PARD3: variants seen among roughly 807,000 people sequenced by gnomAD.
The protein encoded by PARD3 is partitioning defective 3 homolog.
PARD3 carries 75 observed loss-of-function variants against 155.4 expected under a neutral mutation model. The observed-to-expected ratio is 0.48, with a 90% CI of 0.40 to 0.58. PARD3 has a LOEUF of 0.58. PARD3 is among the 20% of genes least tolerant of loss of function. The pLI is 0.00. For synonymous variants in PARD3, 576 were observed against 610.5 expected (o/e 0.94, Z 0.83); for missense variants, 1,642 against 1,721.7 (o/e 0.95, Z 0.82).
At chr10:34,666,796 A>AAAAAAATATAT (rs1358640964) in intron 2 of PARD3, among the ~76,000 whole-genome samples, 40 of 66,934 alleles carry the variant, frequency 6.0e-4, no homozygotes, top group Non-Finnish European at 8.3e-4. Context: ...AAAAAAAAAA[A>AAAAAAATATAT]ATATATATAT....
intron 1 of PARD3, among the ~76,000 whole-genome samples, chr10:34,803,770 T>C (rs923657643): frequency 6.6e-6 from 1 of 151,926 alleles, no homozygotes; most frequent in African/African-American, 2.4e-5. Flanking sequence ...GCCATTGCAC[T>C]CCAGCCTGGG....
At chr10:34,601,762 T>C (rs748522825) in intron 2 of PARD3, among the ~76,000 whole-genome samples, 4 of 152,192 alleles carry the variant, frequency 2.6e-5, no homozygotes, top group African/African-American at 4.8e-5. Context: ...GCAAAGTTTA[T>C]TGCAATGATA....
rs371705228 is a variant in PARD3 at position 34,765,253 on chromosome 10, TC to T, written c.120+49622del. Among the ~76,000 whole-genome samples, 116 of 152,252 alleles carry T rather than the reference TC, an allele frequency of 7.6e-4. 1 individual carries two copies. In the East Asian group the frequency reaches 0.012, roughly 15 times the overall value. ...AGCAAGATGTCCAAAAACCCATACT[TC>T]CGATTTATAGCATTCCATCCATACT... On this transcript the variant is annotated intron_variant, in intron 1 of 24. Coordinates refer to ENST00000374788, the MANE Select transcript of PARD3 (RefSeq NM_001184785.2).
chr10:34,767,883 C>T (rs1379107938), intron 1 of PARD3, among the ~76,000 whole-genome samples: 7 of 151,762 alleles, frequency 4.6e-5, no homozygotes, highest in Admixed American at 4.6e-4. Flanking sequence ...AAGATTGTGA[C>T]ACTGCACCCC....
chr10:34,739,086 C>A (rs2094962926), intron 1 of PARD3, among the ~76,000 whole-genome samples: 1 of 152,130 alleles, frequency 6.6e-6, no homozygotes, highest in South Asian at 2.1e-4. Flanking sequence ...TTACCAACCA[C>A]TGAAATGTAG....
chr10:34,226,242 G>A (rs992776379), intron 22 of PARD3, among the ~76,000 whole-genome samples: 10 of 152,302 alleles, frequency 6.6e-5, no homozygotes, highest in African/African-American at 1.4e-4. Context: ...TCACTAGGAT[G>A]GCTATAATAA....
chr10:34,721,600 T>G (rs892852585), intron 1 of PARD3, among the ~76,000 whole-genome samples: 2 of 152,170 alleles, frequency 1.3e-5, no homozygotes, highest in Non-Finnish European at 2.9e-5. Context: ...ACTTGCAGGG[T>G]TCCCAAGGGA....
At chr10:34,641,823 A>G (rs2496721) in intron 2 of PARD3, among the ~76,000 whole-genome samples, 54,195 of 151,988 alleles carry the variant, frequency 0.36, 9,946 homozygotes, top group East Asian at 0.44. Context: ...AGACCATGGA[A>G]CCCTGTCCTG....
intron 1 of PARD3, among the ~76,000 whole-genome samples, chr10:34,735,334 T>C (rs541937453): frequency 6.6e-6 from 1 of 152,250 alleles, no homozygotes; most frequent in East Asian, 1.9e-4. Flanking sequence ...TTTGAGAAAA[T>C]ATTCTTTTCA....
chr10:34,397,125 A>G (rs1468151730), intron 7 of PARD3, among the ~76,000 whole-genome samples: 1 of 152,208 alleles, frequency 6.6e-6, no homozygotes, highest in Non-Finnish European at 1.5e-5. Flanking sequence ...AAATGCTTGG[A>G]AAGGTTTCTT....
intron 1 of PARD3, among the ~76,000 whole-genome samples, chr10:34,789,576 T>C (rs1841401652): frequency 6.6e-6 from 1 of 150,826 alleles, no homozygotes; most frequent in South Asian, 2.1e-4. Context: ...TGATGACATG[T>C]GTCTGTAGTT....
chr10:34,292,430 G>A (rs185442620), intron 20 of PARD3, among the ~76,000 whole-genome samples: 49 of 152,300 alleles, frequency 3.2e-4, no homozygotes, highest in African/African-American at 1.2e-3. Flanking sequence ...AGAGGAGGTT[G>A]ATTATGAAAA....
intron 3 of PARD3, among the ~76,000 whole-genome samples, chr10:34,504,134 ATTTTT>A (rs374290812): frequency 6.8e-6 from 1 of 147,534 alleles, no homozygotes; most frequent in African/African-American, 2.5e-5. Flanking sequence ...GAGCCCCCAG[ATTTTT>A]TTTTTTAAGA....
chr10:34,500,796 TAAC>T (rs1260601658), intron 3 of PARD3, among the ~76,000 whole-genome samples: 1 of 152,122 alleles, frequency 6.6e-6, no homozygotes, highest in African/African-American at 2.4e-5. Flanking sequence ...GTAACTTGTG[TAAC>T]AATAATTTAA....
At chr10:34,426,006 A>T (rs948668051) in intron 5 of PARD3, among the ~76,000 whole-genome samples, 1 of 152,240 alleles carries the variant, frequency 6.6e-6, no homozygotes, top group East Asian at 1.9e-4. Context: ...ACAGAGTTGA[A>T]TTTTTTTTAA....
chr10:34,555,851 C>T (rs1488788908), intron 2 of PARD3, among the ~76,000 whole-genome samples: 1 of 152,124 alleles, frequency 6.6e-6, no homozygotes, highest in African/African-American at 2.4e-5. Flanking sequence ...CAGCCACAGC[C>T]ACCTTCATTG....
At chr10:34,274,754 T>G (rs1048744334) in intron 21 of PARD3, among the ~76,000 whole-genome samples, 45 of 152,144 alleles carry the variant, frequency 3.0e-4, no homozygotes, top group African/African-American at 1.0e-3. Context: ...ATGACTAAAC[T>G]CTATGATACA....
chr10:34,337,549 A>G, intron 16 of PARD3, 123 bp from the exon 17 acceptor site: 1 of 446,802 alleles, frequency 2.2e-6, no homozygotes, highest in Non-Finnish European at 3.7e-6. Flanking sequence ...GAAAAATTCA[A>G]CTAAATAATA....
intron 21 of PARD3, among the ~76,000 whole-genome samples, chr10:34,279,116 C>T (rs1334611103): frequency 6.7e-6 from 1 of 148,818 alleles, no homozygotes; most frequent in Non-Finnish European, 1.5e-5. Context: ...CTTAATTTTC[C>T]TCAAGTATTC....
Sources: gnomAD v4.1 joint callset for allele counts (sites outside exome capture counted in the v4.1 genomes callset) on GRCh38, gnomAD v4.1.1 for gene constraint, MANE v1.5 for transcripts, NCBI Gene and HGNC (gene_info 2026-07-23, HGNC 2026-07-21) for gene names.